The following TRAPPC9 variants were observed in gnomAD, a reference collection of about 807,000 sequenced individuals.
TRAPPC9 encodes IKK2 binding protein.
In TRAPPC9, 83 loss-of-function variants were observed where a neutral mutation model predicts 124.0. That is an observed-to-expected ratio of 0.67 (90% CI 0.56 to 0.80). The LOEUF (loss-of-function observed/expected upper bound fraction) is 0.80, where lower values mean the gene tolerates loss of function less well. Ranked by LOEUF, TRAPPC9 falls within the 30% of genes least tolerant of loss-of-function variation. The pLI is 0.00. For missense variants in TRAPPC9, 1,302 were observed against 1,508.3 expected (o/e 0.86, Z 2.27); for synonymous variants, 638 against 617.5 (o/e 1.03, Z -0.49).
intron 16 of TRAPPC9, among the ~76,000 whole-genome samples, chr8:140,225,235 A>T (rs1049000899): frequency 1.3e-5 from 2 of 152,210 alleles, no homozygotes; most frequent in South Asian, 4.1e-4. Flanking sequence ...TGCCCCTCAT[A>T]GTAGCTGATG....
chr8:139,855,446 C>T (rs374050205), intron 21 of TRAPPC9, among the ~76,000 whole-genome samples: 103 of 152,322 alleles, frequency 6.8e-4, no homozygotes, highest in African/African-American at 2.0e-3. Context: ...CAAATGACAA[C>T]GGCATCATCA....
At chr8:140,447,864 G>T (rs910806346) in intron 2 of TRAPPC9, among the ~76,000 whole-genome samples, 17 of 152,136 alleles carry the variant, frequency 1.1e-4, no homozygotes, top group Non-Finnish European at 2.5e-4. Flanking sequence ...TAGAGAACCA[G>T]CCAGGCACTG....
intron 17 of TRAPPC9, among the ~76,000 whole-genome samples, chr8:140,105,181 T>C (rs532766995): frequency 7.2e-5 from 11 of 152,374 alleles, no homozygotes; most frequent in African/African-American, 2.2e-4. Context: ...CAGCATATCA[T>C]TGTCATTAGT....
intron 13 of TRAPPC9, 96 bp downstream of exon 13, chr8:140,287,512 A>G (rs1159973903): frequency 6.7e-7 from 1 of 1,498,894 alleles, no homozygotes; most frequent in East Asian, 2.3e-5. Flanking sequence ...ACTGGTTAGG[A>G]CTGGCATGAC....
intron 19 of TRAPPC9, among the ~76,000 whole-genome samples, chr8:139,920,911 T>A (rs1832462354): frequency 6.6e-6 from 1 of 152,160 alleles, no homozygotes; most frequent in Admixed American, 6.5e-5. Context: ...AGGAGAGAGG[T>A]CAAGGAATGG....
intron 18 of TRAPPC9, among the ~76,000 whole-genome samples, chr8:140,010,154 T>C (rs971397486): frequency 6.6e-6 from 1 of 152,246 alleles, no homozygotes; most frequent in Non-Finnish European, 1.5e-5. Flanking sequence ...TTTTAACAAC[T>C]AAATTTGTGG....
intron 5 of TRAPPC9, among the ~76,000 whole-genome samples, chr8:140,407,287 T>C (rs898335894): frequency 1.3e-5 from 2 of 152,232 alleles, no homozygotes; most frequent in African/African-American, 4.8e-5. Context: ...GTGCTTTTCA[T>C]GCTTATAATA....
rs1416302895 is a variant in TRAPPC9, at chr8:139,728,704, G to A, written c.*2357C>T. ...GAAAGGGTGCCCTGGGGGTGGGGAAGGGCCTGGGGCTGGCAGAGCCAGGCT... is the reference window on the plus strand; with the variant it reads ...GAAAGGGTGCCCTGGGGGTGGGGAAAGGCCTGGGGCTGGCAGAGCCAGGCT... On this transcript the variant is annotated 3_prime_UTR_variant, in exon 23 of 23. Transcript: ENST00000438773. Among the ~76,000 whole-genome samples, 3 of 152,182 alleles carry A rather than the reference G, an allele frequency of 2.0e-5. No individual in the cohort carries two copies. Among genetic ancestry groups the A allele is most frequent in the Non-Finnish European group, 1.5e-5 (1 of 68,026 alleles).
chr8:140,022,978 G>T (rs1482315402), intron 18 of TRAPPC9, among the ~76,000 whole-genome samples: 3 of 152,190 alleles, frequency 2.0e-5, no homozygotes, highest in African/African-American at 7.2e-5. Context: ...CATTAACATG[G>T]ACAACAACAT....
intron 15 of TRAPPC9, among the ~76,000 whole-genome samples, chr8:140,265,495 C>T (rs1232307538): frequency 6.6e-6 from 1 of 152,156 alleles, no homozygotes; most frequent in Non-Finnish European, 1.5e-5. Context: ...ATAGCTTGGT[C>T]GTCCGATTTA....
intron 19 of TRAPPC9, chr8:139,931,345 T>C (rs1359686151): frequency 6.6e-6 from 1 of 152,032 alleles, no homozygotes; most frequent in East Asian, 1.9e-4. Context: ...GTGGCAAATA[T>C]CCACAATGAC....
At chr8:140,340,897 C>T (rs938510317) in intron 9 of TRAPPC9, among the ~76,000 whole-genome samples, 5 of 152,152 alleles carry the variant, frequency 3.3e-5, no homozygotes, top group Non-Finnish European at 5.9e-5. Context: ...TTGGAAGTCA[C>T]GAACAAATCC....
At chr8:139,917,166 TC>T (rs781521361) in intron 19 of TRAPPC9, among the ~76,000 whole-genome samples, 9 of 133,452 alleles carry the variant, frequency 6.7e-5, no homozygotes, top group African/African-American at 2.6e-4. Context: ...ATTATTATTT[TC>T]TTTTTTTTTT....
At position 140,104,619 on chromosome 8, in the gene TRAPPC9, T is replaced by A. The variant is rs561228752; in HGVS notation, c.2557-80540A>T. 6.6e-6 allele frequency among the ~76,000 whole-genome samples: 1 copy of A among 152,128 alleles called. No individual in the cohort carries two copies. Among genetic ancestry groups the A allele is most frequent in the South Asian group, 2.1e-4 (1 of 4,820 alleles). On this transcript the variant is annotated intron_variant, in intron 17 of 22. Coordinates refer to ENST00000438773, the MANE Select transcript of TRAPPC9 (RefSeq NM_001160372.4). This position sits in a 1 kb window ranked among gnomAD's most constrained non-coding sequence, Gnocchi z 4.0. Reference sequence around the variant, plus strand: ...ATGCAGCAGCTCTGAGGCAGGGAGATGACAACGCAGGCGGCAGGAATGCTG... The same window carrying A: ...ATGCAGCAGCTCTGAGGCAGGGAGAAGACAACGCAGGCGGCAGGAATGCTG...
chr8:139,980,149 C>T (rs1836792066), intron 19 of TRAPPC9, among the ~76,000 whole-genome samples: 1 of 152,128 alleles, frequency 6.6e-6, no homozygotes. Context: ...TAACAAGATG[C>T]CAACCCCGAG....
chr8:140,236,797 G>A (rs574553815), intron 16 of TRAPPC9, among the ~76,000 whole-genome samples: 10 of 152,242 alleles, frequency 6.6e-5, no homozygotes, highest in East Asian at 1.9e-4. Context: ...CCATAAACAC[G>A]TCACTTCTCC....
intron 19 of TRAPPC9, among the ~76,000 whole-genome samples, chr8:139,973,928 G>A (rs961454130): frequency 6.6e-6 from 1 of 152,128 alleles, no homozygotes; most frequent in Admixed American, 6.5e-5. Context: ...GGGCCACCTG[G>A]GAGGGAGAAA....
chr8:140,273,666 T>C (rs1212926842), intron 15 of TRAPPC9, among the ~76,000 whole-genome samples: 2 of 152,186 alleles, frequency 1.3e-5, no homozygotes, highest in Non-Finnish European at 2.9e-5. Context: ...CAGGCCCCTC[T>C]GCCTGGCTTT....
chr8:139,852,659 TTTA>T (rs1307174525), intron 21 of TRAPPC9, among the ~76,000 whole-genome samples: 1 of 152,236 alleles, frequency 6.6e-6, no homozygotes, highest in Non-Finnish European at 1.5e-5. Context: ...AAATCATGTG[TTTA>T]TCTTCCATCG....
Sources: gnomAD v4.1 joint callset for allele counts (sites outside exome capture counted in the v4.1 genomes callset) on GRCh38, gnomAD v4.1.1 for gene constraint, Gnocchi (gnomAD v3.1) non-coding constraint, MANE v1.5 for transcripts, NCBI Gene and HGNC (gene_info 2026-07-23, HGNC 2026-07-21) for gene names.